The following DNM3 variants were observed in gnomAD, a reference collection of about 807,000 sequenced individuals.
DNM3 encodes dynamin 3.
A neutral mutation model predicts 101.6 loss-of-function variants in DNM3; 47 were observed. That is an observed-to-expected ratio of 0.46 (90% CI 0.37 to 0.59). The LOEUF (loss-of-function observed/expected upper bound fraction) is 0.59. Among genes scored for constraint, DNM3 ranks in the 20% least tolerant of loss-of-function variants. The pLI is 0.00. For synonymous variants in DNM3, 385 were observed against 387.9 expected (o/e 0.99, Z 0.09); for missense variants, 849 against 1,085.7 (o/e 0.78, Z 3.06).
chr1:172,170,816 T>C (rs1030016912), intron 14 of DNM3, among the ~76,000 whole-genome samples: 3 of 151,806 alleles, frequency 2.0e-5, no homozygotes, highest in Admixed American at 6.6e-5. Flanking sequence ...GACTGGTGCA[T>C]TGCACCTTTT....
At chr1:172,356,056 G>T (rs1485746696) in intron 17 of DNM3, among the ~76,000 whole-genome samples, 1 of 152,038 alleles carries the variant, frequency 6.6e-6, no homozygotes, top group Non-Finnish European at 1.5e-5. Flanking sequence ...CATCTTCAAA[G>T]TACAGAGGGA....
At chr1:171,992,267 A>T (rs2045687361) in intron 4 of DNM3, among the ~76,000 whole-genome samples, 2 of 152,190 alleles carry the variant, frequency 1.3e-5, no homozygotes, top group African/African-American at 2.4e-5. Context: ...TCAGAAGAAG[A>T]TTCATTTATG....
chr1:172,278,121 T>G (rs1475726869), intron 15 of DNM3, among the ~76,000 whole-genome samples: 1 of 152,172 alleles, frequency 6.6e-6, no homozygotes, highest in Non-Finnish European at 1.5e-5. Flanking sequence ...TTTTTTGTAT[T>G]CTGTTCAAGG....
chr1:172,021,848 T>C (rs1209065260), intron 4 of DNM3, among the ~76,000 whole-genome samples: 1 of 152,238 alleles, frequency 6.6e-6, no homozygotes, highest in Non-Finnish European at 1.5e-5. Flanking sequence ...ATTTATTATT[T>C]TTAATTTCCT....
intron 6 of DNM3, 130 bp downstream of exon 6, chr1:172,033,395 T>A (rs2048753037): frequency 5.9e-6 from 6 of 1,010,500 alleles, no homozygotes; most frequent in East Asian, 2.7e-5. Flanking sequence ...ATAGGGATTT[T>A]AAAAATGAAT....
In DNM3 at chr1:172,327,929, T is replaced by A. The variant is rs138189685; in HGVS notation, c.1893+4589T>A. Among the ~76,000 whole-genome samples the A allele has an allele frequency of 1.6e-4, 24 of 152,322 alleles. No homozygotes were observed. In the East Asian group the frequency reaches 4.6e-3, roughly 29 times the overall value. On this transcript the variant is annotated intron_variant, in intron 17 of 20. Coordinates refer to ENST00000627582, the MANE Select transcript of DNM3 (RefSeq NM_015569.5). Reference sequence around the variant, plus strand: ...GCAAATCAGCCTTAAAAGAGCATTGTTAAAGCCTTATTTTTGAATCCCCTC... The same window carrying A: ...GCAAATCAGCCTTAAAAGAGCATTGATAAAGCCTTATTTTTGAATCCCCTC...
At chr1:171,989,816 C>G (rs1171666650) in intron 4 of DNM3, among the ~76,000 whole-genome samples, 5 of 152,074 alleles carry the variant, frequency 3.3e-5, no homozygotes, top group African/African-American at 4.8e-5. Flanking sequence ...ATGATGTGCC[C>G]TTTCAATATG....
At position 172,262,395 on chromosome 1, in the gene DNM3, A is replaced by T. The variant is rs548241592; in HGVS notation, c.1769+8713A>T. On this transcript the variant is annotated intron_variant, in intron 15 of 20. Coordinates refer to ENST00000627582, the MANE Select transcript of DNM3 (RefSeq NM_015569.5). ...GCTGTGCTCTCAAAATGGCGTATGC[A>T]GCAGTGCCTTCATGTGGTCTCCAGA... 3.3e-5 allele frequency among the ~76,000 whole-genome samples: 5 copies of T among 152,280 alleles called. 1 individual carries two copies. The highest frequency in any genetic ancestry group is 1.2e-4 in the African/African-American group (5 of 41,560).
chr1:172,126,336 A>G (rs976810036), intron 13 of DNM3, among the ~76,000 whole-genome samples: 2 of 152,220 alleles, frequency 1.3e-5, no homozygotes, highest in African/African-American at 4.8e-5. Context: ...TCTTCACAAC[A>G]TGGCAGCTGT....
At chr1:172,263,603 G>C (rs575285687) in intron 15 of DNM3, among the ~76,000 whole-genome samples, 1 of 152,202 alleles carries the variant, frequency 6.6e-6, no homozygotes, top group African/African-American at 2.4e-5. Context: ...ATGGTGGCAG[G>C]CAAGAGAGTA....
At chr1:172,198,410 C>G (rs922144129) in intron 14 of DNM3, among the ~76,000 whole-genome samples, 1 of 152,062 alleles carries the variant, frequency 6.6e-6, no homozygotes, top group African/African-American at 2.4e-5. Flanking sequence ...GTTTTGGTAT[C>G]AAGATGATGC....
At chr1:172,138,567 A>G in intron 14 of DNM3, 2 of 191,792 alleles carry the variant, frequency 1.0e-5, no homozygotes, top group South Asian at 8.8e-5. Context: ...AAAGAGAACT[A>G]TAGAATGCAC....
intron 10 of DNM3, among the ~76,000 whole-genome samples, chr1:172,067,338 C>G (rs1377283337): frequency 6.6e-6 from 1 of 152,110 alleles, no homozygotes; most frequent in Non-Finnish European, 1.5e-5. Flanking sequence ...TGAATGTGCC[C>G]ACTTTTCTCC....
chr1:172,024,071 G>A (rs572876169), intron 4 of DNM3, among the ~76,000 whole-genome samples: 270 of 151,870 alleles, frequency 1.8e-3, no homozygotes, highest in Non-Finnish European at 3.1e-3. Flanking sequence ...TGATCAAGTT[G>A]TATTCTGTAT....
chr1:172,319,591 G>C (rs905900573), intron 16 of DNM3, among the ~76,000 whole-genome samples: 2 of 152,078 alleles, frequency 1.3e-5, no homozygotes, highest in Admixed American at 6.6e-5. Context: ...AGACACTTCT[G>C]AAAAGAAGAC....
rs554143580 is a variant in DNM3, at chr1:172,224,121, T to C, written c.1660-29452T>C. Among the ~76,000 whole-genome samples the C allele has an allele frequency of 3.4e-4, 52 of 152,266 alleles. 1 individual carries two copies. The highest frequency in any genetic ancestry group is 1.2e-3 in the African/African-American group (48 of 41,568). ...TCCTACCCAACATGCAAGACTCCTG[T>C]GGCTTTTCCTGACCTCTATTCAGCC... is the stretch of plus-strand genomic sequence containing the variant. On this transcript the variant is annotated intron_variant, in intron 14 of 20. Transcript: ENST00000627582.
At chr1:171,914,784 T>C (rs1483313396) in intron 1 of DNM3, among the ~76,000 whole-genome samples, 1 of 152,222 alleles carries the variant, frequency 6.6e-6, no homozygotes, top group Non-Finnish European at 1.5e-5. Flanking sequence ...TATGGAACAA[T>C]GACGAATCTT....
intron 11 of DNM3, among the ~76,000 whole-genome samples, chr1:172,073,226 T>C (rs1454388411): frequency 1.3e-5 from 2 of 151,932 alleles, no homozygotes; most frequent in South Asian, 2.1e-4. Flanking sequence ...TGTATGTATA[T>C]ATGTGTGTAT....
At chr1:172,069,005 G>T in intron 11 of DNM3, 100 bp downstream of exon 11, 1 of 952,760 alleles carries the variant, frequency 1.0e-6, no homozygotes. Context: ...GTCGCTTAAA[G>T]GAAAAAAAAA....
Sources: allele counts gnomAD v4.1 joint callset (sites outside exome capture counted in the v4.1 genomes callset), GRCh38; gene constraint gnomAD v4.1.1; transcripts MANE v1.5; gene names NCBI Gene and HGNC (gene_info 2026-07-23, HGNC 2026-07-21).